Variants in FMNL2 observed in about 807,000 individuals in gnomAD.
FMNL2 encodes the protein formin-like protein 2.
FMNL2 carries 51 observed loss-of-function variants against 130.2 expected under a neutral mutation model. The observed-to-expected ratio is 0.39, with a 90% CI of 0.31 to 0.49. The LOEUF is 0.49. Among genes scored for constraint, FMNL2 ranks in the 20% least tolerant of loss-of-function variants. The probability of loss-of-function intolerance (pLI) is 0.85; values close to 1 mark genes in which losing one functional copy is unlikely to be tolerated. For missense variants in FMNL2, 977 were observed against 1,316.2 expected (o/e 0.74, Z 3.99); for synonymous variants, 465 against 467.1 (o/e 1.00, Z 0.06).
chr2:152,431,775 G>T (rs139616166), intron 1 of FMNL2, among the ~76,000 whole-genome samples: 3 of 151,774 alleles, frequency 2.0e-5, no homozygotes, highest in African/African-American at 7.3e-5. Context: ...AGACCAGCCC[G>T]GGCAACATAG....
intron 1 of FMNL2, among the ~76,000 whole-genome samples, chr2:152,467,384 C>T (rs148117074): frequency 6.6e-6 from 1 of 152,244 alleles, no homozygotes; most frequent in African/African-American, 2.4e-5. Flanking sequence ...TAATAAATAC[C>T]GTATGTGCTT....
intron 2 of FMNL2, among the ~76,000 whole-genome samples, chr2:152,527,197 A>C (rs1482119388): frequency 6.6e-6 from 1 of 152,188 alleles, no homozygotes; most frequent in East Asian, 1.9e-4. Context: ...ACTTGAAGTC[A>C]TTACAGATTG....
At chr2:152,343,258 A>G (rs1329510562) in intron 1 of FMNL2, among the ~76,000 whole-genome samples, 1 of 152,134 alleles carries the variant, frequency 6.6e-6, no homozygotes, top group Non-Finnish European at 1.5e-5. Context: ...GAAGATGCCC[A>G]TGGCTTGGTT....
intron 1 of FMNL2, among the ~76,000 whole-genome samples, chr2:152,392,627 T>G (rs986781213): frequency 6.6e-6 from 1 of 152,192 alleles, no homozygotes; most frequent in African/African-American, 2.4e-5. Flanking sequence ...GCCTCTTTTA[T>G]AAGAGCCTTA....
intron 1 of FMNL2, chr2:152,390,214 G>A (rs544905894): frequency 1.3e-5 from 19 of 1,444,434 alleles, no homozygotes; most frequent in Admixed American, 1.7e-5. Flanking sequence ...GTAAACTTCC[G>A]GCTGAAAGGG....
chr2:152,401,241 A>C (rs562909245), intron 1 of FMNL2, among the ~76,000 whole-genome samples: 20 of 152,252 alleles, frequency 1.3e-4, no homozygotes, highest in Admixed American at 9.8e-4. Context: ...AGAAGTCCCT[A>C]TGTAGTTCTT....
intron 2 of FMNL2, among the ~76,000 whole-genome samples, chr2:152,535,764 C>A (rs550707161): frequency 3.6e-4 from 55 of 152,206 alleles, no homozygotes; most frequent in Non-Finnish European, 7.2e-4. Flanking sequence ...CTCTGGTAGT[C>A]ATTATACAAA....
At chr2:152,644,708 T>C (rs1434100803) in intron 25 of FMNL2, among the ~76,000 whole-genome samples, 2 of 152,232 alleles carry the variant, frequency 1.3e-5, no homozygotes, top group Admixed American at 1.3e-4. Context: ...CTCTGTTCCA[T>C]GTCAAACCCA....
chr2:152,565,234 T>C (rs1275547347), intron 6 of FMNL2, among the ~76,000 whole-genome samples: 1 of 152,196 alleles, frequency 6.6e-6, no homozygotes, highest in Non-Finnish European at 1.5e-5. Context: ...TAAATGAGTT[T>C]TTAAAGAAAG....
At chr2:152,455,682 A>G (rs954105788) in intron 1 of FMNL2, among the ~76,000 whole-genome samples, 4 of 152,224 alleles carry the variant, frequency 2.6e-5, no homozygotes, top group African/African-American at 9.6e-5. Context: ...CCATAATTGT[A>G]GTGATATGGA....
chr2:152,352,247 A>G (rs756059729), intron 1 of FMNL2, among the ~76,000 whole-genome samples: 21 of 152,238 alleles, frequency 1.4e-4, no homozygotes, highest in Admixed American at 2.0e-4. Context: ...TTCAGTAATA[A>G]TACAATATAG....
At chr2:152,613,123 C>T (rs1397805290) in intron 11 of FMNL2, among the ~76,000 whole-genome samples, 1 of 152,212 alleles carries the variant, frequency 6.6e-6, no homozygotes, top group Non-Finnish European at 1.5e-5. Context: ...TAATAGATTT[C>T]CATTAAAATG....
intron 1 of FMNL2, among the ~76,000 whole-genome samples, chr2:152,464,313 G>A (rs1224082625): frequency 6.6e-6 from 1 of 152,058 alleles, no homozygotes; most frequent in East Asian, 1.9e-4. Flanking sequence ...TAGAATGGTG[G>A]GTTTGTTTGT....
chr2:152,641,294 C>A (rs1280919081), intron 25 of FMNL2, among the ~76,000 whole-genome samples: 6 of 152,154 alleles, frequency 3.9e-5, no homozygotes, highest in Non-Finnish European at 8.8e-5. Flanking sequence ...CTTTAAGAGC[C>A]TCTTTACTCA....
intron 2 of FMNL2, among the ~76,000 whole-genome samples, chr2:152,535,972 G>A (rs928272576): frequency 2.0e-5 from 3 of 152,262 alleles, no homozygotes; most frequent in Admixed American, 1.3e-4. Context: ...GAAACAATGA[G>A]CATGCATTCT....
intron 4 of FMNL2, among the ~76,000 whole-genome samples, chr2:152,550,248 C>CA (rs1156637824): frequency 2.0e-4 from 30 of 152,272 alleles, no homozygotes; most frequent in South Asian, 1.4e-3. Context: ...TCAAAATAAA[C>CA]TTTTAGAAAC....
At chr2:152,522,229 T>C (rs893532315) in intron 2 of FMNL2, among the ~76,000 whole-genome samples, 1 of 152,206 alleles carries the variant, frequency 6.6e-6, no homozygotes, top group Non-Finnish European at 1.5e-5. Flanking sequence ...AAGCTAATTA[T>C]TAAAAAGACT....
At position 152,533,181 on chromosome 2, in the gene FMNL2, T is replaced by A. The variant is rs899281968; in HGVS notation, c.202-9558T>A. ...AGAGATTATCTCTTATGTTTTCTTC[T>A]GGAAATTTTACAGTTTTGGTTCTTA... On this transcript the variant is annotated intron_variant, in intron 2 of 25. Coordinates refer to ENST00000288670, the MANE Select transcript of FMNL2 (RefSeq NM_052905.4). 3.3e-5 allele frequency among the ~76,000 whole-genome samples: 5 copies of A among 152,218 alleles called. No homozygotes were observed. The East Asian group carries it at 9.6e-4, about 29-fold the overall frequency.
chr2:152,564,261 T>C (rs949702424), intron 6 of FMNL2, among the ~76,000 whole-genome samples: 3 of 152,150 alleles, frequency 2.0e-5, no homozygotes, highest in Admixed American at 2.0e-4. Flanking sequence ...TGTATCCAAA[T>C]GCAGATTTTA....
Sources: allele counts gnomAD v4.1 joint callset (sites outside exome capture counted in the v4.1 genomes callset), GRCh38; gene constraint gnomAD v4.1.1; transcripts MANE v1.5; gene names NCBI Gene and HGNC (gene_info 2026-07-23, HGNC 2026-07-21).